Variants in ANKRD30B observed in about 807,000 individuals in gnomAD.
The protein encoded by ANKRD30B is ankyrin repeat domain-containing protein 30B.
Under a neutral mutation model 202.2 loss-of-function variants are expected in ANKRD30B, and 144 were observed. The observed-to-expected ratio is 0.71, with a 90% CI of 0.62 to 0.82. The LOEUF is 0.82. Ranked by LOEUF, ANKRD30B falls within the 40% of genes least tolerant of loss-of-function variation. The probability of loss-of-function intolerance (pLI) is 0.00; values close to 1 mark genes in which losing one functional copy is unlikely to be tolerated. For synonymous variants in ANKRD30B, 508 were observed against 561.3 expected (o/e 0.91, Z 1.34); for missense variants, 1,487 against 1,669.1 (o/e 0.89, Z 1.90).
chr18:14,867,420 C>CA, the ANKRD30B span, among the ~76,000 whole-genome samples: 9 of 151,844 alleles, frequency 5.9e-5, no homozygotes, highest in Non-Finnish European at 1.3e-4. Flanking sequence ...GGGCCCTTCT[C>CA]CTCTTCCTGG....
chr18:14,846,934 A>C (rs1225645853), intron 39 of ANKRD30B, among the ~76,000 whole-genome samples: 1 of 151,396 alleles, frequency 6.6e-6, no homozygotes, highest in Non-Finnish European at 1.5e-5. Flanking sequence ...TATTGATGTG[A>C]TAAAAGTTGT....
chr18:14,878,471 G>A, the ANKRD30B span, among the ~76,000 whole-genome samples: 1 of 151,926 alleles, frequency 6.6e-6, no homozygotes, highest in Non-Finnish European at 1.5e-5. Context: ...CTAAGGTTGG[G>A]TTTCTGGGGA....
At chr18:14,908,416 T>C in the ANKRD30B span, among the ~76,000 whole-genome samples, 1 of 152,138 alleles carries the variant, frequency 6.6e-6, no homozygotes, top group South Asian at 2.1e-4. Flanking sequence ...CATATTTGGC[T>C]TCCTTCACCT....
the ANKRD30B span, among the ~76,000 whole-genome samples, chr18:14,934,907 A>ACC: frequency 4.4e-5 from 4 of 91,170 alleles, no homozygotes; most frequent in Non-Finnish European, 4.3e-5. Flanking sequence ...TCCTCCCTCT[A>ACC]CCACACACAC....
chr18:14,762,662 T>A (rs1915435917), intron 6 of ANKRD30B, among the ~76,000 whole-genome samples: 1 of 151,964 alleles, frequency 6.6e-6, no homozygotes, highest in Admixed American at 6.6e-5. Flanking sequence ...ATATTATCAT[T>A]ATAAATATTC....
At chr18:14,876,026 T>C in the ANKRD30B span, among the ~76,000 whole-genome samples, 1 of 152,274 alleles carries the variant, frequency 6.6e-6, no homozygotes, top group African/African-American at 2.4e-5. Context: ...CTCATTGTAC[T>C]GCTCAAGTCA....
At chr18:14,868,597 G>C in the ANKRD30B span, among the ~76,000 whole-genome samples, 2 of 152,266 alleles carry the variant, frequency 1.3e-5, no homozygotes, top group Non-Finnish European at 2.9e-5. Context: ...GGTGGCTGCT[G>C]TGGCAGGTCC....
At chr18:14,924,792 TG>T in the ANKRD30B span, among the ~76,000 whole-genome samples, 3 of 152,016 alleles carry the variant, frequency 2.0e-5, no homozygotes, top group African/African-American at 7.2e-5. Flanking sequence ...AGATTCCTGG[TG>T]TTCCCCAGGC....
the ANKRD30B span, chr18:14,883,443 T>C: frequency 7.6e-6 from 1 of 132,246 alleles, no homozygotes; most frequent in South Asian, 2.5e-4. Context: ...ATATCTCCTG[T>C]TCTGTATATA....
At chr18:14,753,157 T>A in intron 3 of ANKRD30B, 145 bp downstream of exon 3, 1 of 633,582 alleles carries the variant, frequency 1.6e-6, no homozygotes, top group East Asian at 3.0e-5. Flanking sequence ...GATTTAACCT[T>A]AAATATTAAT....
chr18:14,825,403 T>A (rs1449744835), intron 32 of ANKRD30B, among the ~76,000 whole-genome samples: 2 of 152,168 alleles, frequency 1.3e-5, no homozygotes, highest in African/African-American at 2.4e-5. Context: ...ACAAAACTGT[T>A]GAGTAAACAT....
intron 6 of ANKRD30B, among the ~76,000 whole-genome samples, chr18:14,762,849 T>C (rs1376850729): frequency 6.6e-6 from 1 of 152,186 alleles, no homozygotes; most frequent in Admixed American, 6.5e-5. Flanking sequence ...TTTGGCAAGT[T>C]GCAGGAGACA....
At chr18:14,823,484 G>C (rs991085093) in intron 32 of ANKRD30B, among the ~76,000 whole-genome samples, 1 of 151,808 alleles carries the variant, frequency 6.6e-6, no homozygotes, top group Non-Finnish European at 1.5e-5. Flanking sequence ...CTGATTAGGT[G>C]ATTGTGTGTG....
chr18:14,867,312 A>AG, the ANKRD30B span, among the ~76,000 whole-genome samples: 13 of 31,758 alleles, frequency 4.1e-4, no homozygotes, highest in East Asian at 1.2e-3. Flanking sequence ...GCTTGTGGGG[A>AG]GGGGGGGCAG....
intron 5 of ANKRD30B, among the ~76,000 whole-genome samples, chr18:14,759,888 A>T (rs1206794982): frequency 6.6e-6 from 1 of 152,216 alleles, no homozygotes; most frequent in Admixed American, 6.5e-5. Flanking sequence ...ACCTATGAAG[A>T]AACACTTTTT....
At chr18:14,875,191 A>G in the ANKRD30B span, among the ~76,000 whole-genome samples, 1 of 152,162 alleles carries the variant, frequency 6.6e-6, no homozygotes, top group African/African-American at 2.4e-5. Flanking sequence ...ACTAGCCAAG[A>G]GCAAATCCAA....
chr18:14,834,501 G>T (rs1260875930), intron 34 of ANKRD30B, among the ~76,000 whole-genome samples: 4 of 151,948 alleles, frequency 2.6e-5, no homozygotes, highest in Non-Finnish European at 4.4e-5. Context: ...TAGAATAAAA[G>T]ATATGATATA....
At chr18:14,805,626 ACTTT>A (rs1280360169) in intron 24 of ANKRD30B, among the ~76,000 whole-genome samples, 2 of 150,916 alleles carry the variant, frequency 1.3e-5, no homozygotes, top group South Asian at 4.2e-4. Flanking sequence ...CGAACTGTGT[ACTTT>A]CTCAATGACA....
the ANKRD30B span, among the ~76,000 whole-genome samples, chr18:14,886,133 G>A: frequency 1.3e-5 from 2 of 151,704 alleles, no homozygotes; most frequent in South Asian, 4.2e-4. Context: ...GTGTACAAAT[G>A]TGAAGGCTAT....
Sources: allele counts gnomAD v4.1 joint callset (sites outside exome capture counted in the v4.1 genomes callset), GRCh38; gene constraint gnomAD v4.1.1; transcripts MANE v1.5; gene names NCBI Gene and HGNC (gene_info 2026-07-23, HGNC 2026-07-21).